Variants in CDKAL1 observed in about 807,000 individuals in gnomAD.
CDKAL1 encodes the protein threonylcarbamoyladenosine tRNA methylthiotransferase.
Under a neutral mutation model 68.2 loss-of-function variants are expected in CDKAL1, and 32 were observed. The ratio of observed to expected loss-of-function variants is 0.47; its 90% CI spans 0.35 to 0.63. The LOEUF is 0.63. Among genes scored for constraint, CDKAL1 ranks in the 30% least tolerant of loss-of-function variants. CDKAL1 has a pLI of 0.00. For synonymous variants in CDKAL1, 234 were observed against 244.3 expected (o/e 0.96, Z 0.39); for missense variants, 606 against 696.7 (o/e 0.87, Z 1.47).
chr6:20,548,929 A>G lies in CDKAL1; in HGVS notation c.286+224A>G, dbSNP rs534420347. On this transcript the variant is annotated intron_variant, in intron 4 of 15. Coordinates refer to ENST00000274695, the MANE Select transcript of CDKAL1 (RefSeq NM_017774.3). ...GAAAAGTAGTAAAATTAGAGAGTTC[A>G]CATATGCCCATCACCAAGCTTCCCT... is the stretch of plus-strand genomic sequence containing the variant. Among the ~76,000 whole-genome samples, 3 of 152,320 alleles carry G rather than the reference A, an allele frequency of 2.0e-5. No individual in the cohort carries two copies. The South Asian group carries it at 6.2e-4, about 32-fold the overall frequency.
chr6:21,042,429 C>T (rs1247465408), intron 11 of CDKAL1, among the ~76,000 whole-genome samples: 3 of 152,188 alleles, frequency 2.0e-5, no homozygotes, highest in East Asian at 3.8e-4. Flanking sequence ...ACAACTAACA[C>T]CTCTCTCGTG....
At chr6:20,753,733 A>G (rs1427010456) in intron 6 of CDKAL1, among the ~76,000 whole-genome samples, 1 of 150,322 alleles carries the variant, frequency 6.7e-6, no homozygotes, top group Non-Finnish European at 1.5e-5. Flanking sequence ...GAATAATGCT[A>G]TTATGAACAT....
At chr6:20,697,414 A>C (rs1001076223) in intron 5 of CDKAL1, among the ~76,000 whole-genome samples, 2 of 152,198 alleles carry the variant, frequency 1.3e-5, no homozygotes, top group East Asian at 3.8e-4. Flanking sequence ...TGTGATAATA[A>C]TGTGATAATT....
intron 12 of CDKAL1, among the ~76,000 whole-genome samples, chr6:21,105,774 C>T (rs1266206810): frequency 6.6e-6 from 1 of 152,152 alleles, no homozygotes; most frequent in East Asian, 1.9e-4. Context: ...AGAAGCAAGA[C>T]AGGGGCAGTG....
chr6:20,593,850 G>A (rs748034968), intron 4 of CDKAL1, among the ~76,000 whole-genome samples: 40 of 152,192 alleles, frequency 2.6e-4, no homozygotes, highest in African/African-American at 8.2e-4. Context: ...TGCTTTATCT[G>A]TGTCTTAGAG....
intron 9 of CDKAL1, among the ~76,000 whole-genome samples, chr6:20,925,439 A>G (rs1033552921): frequency 1.3e-5 from 2 of 152,226 alleles, no homozygotes; most frequent in African/African-American, 4.8e-5. Context: ...GGCTTATATT[A>G]TAAATTCTAT....
At chr6:20,675,069 G>T (rs994695263) in intron 5 of CDKAL1, among the ~76,000 whole-genome samples, 94 of 148,930 alleles carry the variant, frequency 6.3e-4, no homozygotes, top group African/African-American at 2.0e-3. Context: ...ATTTCATATG[G>T]TTTTTTTTTT....
intron 4 of CDKAL1, among the ~76,000 whole-genome samples, chr6:20,611,157 T>C (rs1477567479): frequency 6.6e-6 from 1 of 152,234 alleles, no homozygotes; most frequent in East Asian, 1.9e-4. Flanking sequence ...CTTAGTCATC[T>C]AAATATCAGA....
At chr6:21,167,258 A>G (rs1777191010) in intron 13 of CDKAL1, among the ~76,000 whole-genome samples, 1 of 152,158 alleles carries the variant, frequency 6.6e-6, no homozygotes, top group Admixed American at 6.5e-5. Context: ...TTAGATTTTA[A>G]GTTTAGAGTT....
chr6:21,178,896 G>C (rs1777686194), intron 13 of CDKAL1, among the ~76,000 whole-genome samples: 1 of 152,206 alleles, frequency 6.6e-6, no homozygotes, highest in African/African-American at 2.4e-5. Context: ...ACAGCACTCT[G>C]ATAGCTCACA....
chr6:20,724,710 C>CA (rs1158802311), intron 5 of CDKAL1, among the ~76,000 whole-genome samples: 1 of 152,114 alleles, frequency 6.6e-6, no homozygotes, highest in Non-Finnish European at 1.5e-5. Flanking sequence ...AACAAACAAA[C>CA]AAACAAATTC....
chr6:21,025,042 A>G (rs1768883305), intron 11 of CDKAL1, among the ~76,000 whole-genome samples: 1 of 152,228 alleles, frequency 6.6e-6, no homozygotes, highest in Non-Finnish European at 1.5e-5. Context: ...AACAGTACTT[A>G]GACTAAAAAT....
intron 5 of CDKAL1, among the ~76,000 whole-genome samples, chr6:20,675,646 G>A (rs1012637140): frequency 1.3e-5 from 2 of 152,112 alleles, no homozygotes; most frequent in Admixed American, 1.3e-4. Context: ...CAAACCTACT[G>A]TGCTGCCAAT....
intron 13 of CDKAL1, among the ~76,000 whole-genome samples, chr6:21,125,437 C>A (rs1037342518): frequency 1.6e-4 from 25 of 152,260 alleles, no homozygotes; most frequent in African/African-American, 5.3e-4. Context: ...CTTTGGGAGG[C>A]CAAGGCGGGT....
intron 8 of CDKAL1, among the ~76,000 whole-genome samples, chr6:20,826,364 T>G (rs2045606071): frequency 1.3e-5 from 2 of 152,206 alleles, no homozygotes; most frequent in African/African-American, 4.8e-5. Context: ...TCTTTTTAGT[T>G]TTTCTTGCTT....
chr6:20,810,437 C>CGT (rs1280644964), intron 8 of CDKAL1, among the ~76,000 whole-genome samples: 1 of 105,872 alleles, frequency 9.4e-6, no homozygotes, highest in Non-Finnish European at 2.0e-5. Flanking sequence ...CACACACACA[C>CGT]ACACACACGT....
At chr6:21,074,902 C>T (rs1237257532) in intron 12 of CDKAL1, among the ~76,000 whole-genome samples, 1 of 150,942 alleles carries the variant, frequency 6.6e-6, no homozygotes, top group East Asian at 1.9e-4. Context: ...TTTAGTGCAC[C>T]CATCATGTGA....
chr6:20,980,716 T>C (rs904580026), intron 10 of CDKAL1, among the ~76,000 whole-genome samples: 3 of 152,110 alleles, frequency 2.0e-5, no homozygotes, highest in African/African-American at 7.2e-5. Flanking sequence ...ACGTGTTCTG[T>C]GTTTGGTGAC....
chr6:21,107,659 T>C (rs945604297), intron 12 of CDKAL1, among the ~76,000 whole-genome samples: 1 of 152,004 alleles, frequency 6.6e-6, no homozygotes, highest in African/African-American at 2.4e-5. Flanking sequence ...CTCGAACTCC[T>C]GGCCTCAAGT....
Sources: allele counts gnomAD v4.1 joint callset (sites outside exome capture counted in the v4.1 genomes callset), GRCh38; gene constraint gnomAD v4.1.1; transcripts MANE v1.5; gene names NCBI Gene and HGNC (gene_info 2026-07-23, HGNC 2026-07-21).